Variants in ABCG1 observed in about 807,000 individuals in gnomAD.
ABCG1 encodes the protein ATP-binding cassette sub-family G member 1.
A neutral mutation model predicts 69.2 loss-of-function variants in ABCG1; 29 were observed. The observed-to-expected ratio is 0.42, with a 90% confidence interval of 0.31 to 0.57. ABCG1 has a LOEUF of 0.57. ABCG1 is among the 20% of genes least tolerant of loss of function. The pLI, the probability that ABCG1 is intolerant of heterozygous loss-of-function variation, is 0.15. For synonymous variants in ABCG1, 370 were observed against 374.8 expected (o/e 0.99, Z 0.15); for missense variants, 718 against 898.1 (o/e 0.80, Z 2.56).
At position 42,296,961 on chromosome 21, in the gene ABCG1, G is replaced by T. The variant is rs934437201; in HGVS notation, c.*569G>T. ...CATTTTAAGAAATTATACCTTTTTA[G>T]TACTTGCTGAAGAATGATTCAGGGT... On this transcript the variant is annotated 3_prime_UTR_variant, in exon 15 of 15. Transcript: ENST00000398449. The surrounding 1 kb of genome is among the most constrained non-coding windows in gnomAD (Gnocchi z 5.4). 8.7e-5 allele frequency: 14 copies of T among 160,652 alleles called. No individual in the cohort carries two copies. Among genetic ancestry groups the T allele is most frequent in the Non-Finnish European group, 1.9e-4 (14 of 71,904 alleles). 10.0% of individuals were successfully genotyped at this position (160,652 alleles called of 1,614,324 possible). A position where few individuals can be genotyped will look rare whatever the true frequency, so the allele number is the denominator to read the frequency against.
In ABCG1 at chr21:42,281,432, G is replaced by T. The variant is rs143665721; in HGVS notation, c.589-842G>T. On this transcript the variant is annotated intron_variant, in intron 5 of 14. Transcript: ENST00000398449. ...CAGCACCAAGCCAGCACAGAAATCT[G>T]CTGACCTTCGTGTTCCCTGAGTCGA... 5.6e-3 allele frequency among the ~76,000 whole-genome samples: 856 copies of T among 152,352 alleles called. 5 individuals carry two copies. The highest frequency in any genetic ancestry group is 0.01 in the Middle Eastern group (3 of 294).
At chr21:42,260,060 CA>C in intron 2 of ABCG1, 1 of 1,550,570 alleles carries the variant, frequency 6.4e-7, no homozygotes, top group Non-Finnish European at 8.7e-7. Context: ...TGGTCGCTAT[CA>C]GTGGCAAAGT....
At position 42,273,263 on chromosome 21, in the gene ABCG1, G is replaced by T; in HGVS notation, c.405-40G>T. ...TGCCCCGGGAGGTGGAGGAGGAGCA[G>T]GAGCCCGGCTGACGGCTTCTCCTGT... On this transcript the variant is annotated intron_variant, in intron 3 of 14. Coordinates refer to ENST00000398449, the MANE Select transcript of ABCG1 (RefSeq NM_016818.3). This position sits in a 1 kb window ranked among gnomAD's most constrained non-coding sequence, Gnocchi z 5.3. 5 of 1,588,840 alleles carry T rather than the reference G, an allele frequency of 3.1e-6. No homozygotes were observed. The highest frequency in any genetic ancestry group is 2.7e-5 in the African/African-American group (2 of 74,536).
intron 5 of ABCG1, among the ~76,000 whole-genome samples, chr21:42,281,461 A>G (rs867993382): frequency 2.9e-4 from 44 of 152,334 alleles, no homozygotes; most frequent in Middle Eastern, 3.4e-3. Context: ...GAGTCGATAC[A>G]GGATCAATAA....
At position 42,273,610 on chromosome 21, in the gene ABCG1, G is replaced by A. The variant is rs2068657724; in HGVS notation, c.537+175G>A. Among the ~76,000 whole-genome samples the A allele has an allele frequency of 6.6e-6, 1 of 152,150 alleles. No homozygotes were observed. Among genetic ancestry groups the A allele is most frequent in the Non-Finnish European group, 1.5e-5 (1 of 68,032 alleles). On this transcript the variant is annotated intron_variant, in intron 4 of 14. Coordinates refer to ENST00000398449, the MANE Select transcript of ABCG1 (RefSeq NM_016818.3). This position sits in a 1 kb window ranked among gnomAD's most constrained non-coding sequence, Gnocchi z 5.3. ...AGTTCTAACACCAGACTCGCTGTTG[G>A]GACAGGCAGCATCATCCCAAAACCC...
At position 42,261,588 on chromosome 21, in the gene ABCG1, T is replaced by C. The variant is rs556289057; in HGVS notation, c.287-9482T>C. ...CCCCGAGCGAGAGTCCCTCTGTGTATCGGGGACTGCCCGCTTGTGAGGAGA... is the reference window on the plus strand; with the variant it reads ...CCCCGAGCGAGAGTCCCTCTGTGTACCGGGGACTGCCCGCTTGTGAGGAGA... On this transcript the variant is annotated intron_variant, in intron 2 of 14. Transcript: ENST00000398449. Among the ~76,000 whole-genome samples the C allele has an allele frequency of 1.6e-3, 236 of 152,234 alleles. 1 individual carries two copies. The highest frequency in any genetic ancestry group is 5.6e-3 in the African/African-American group (231 of 41,540).
chr21:42,296,111 C>G lies in ABCG1; in HGVS notation c.1773-53C>G. ...GTGAACGACATTGACCTTCAGCCAA[C>G]GGCGTGGCTGGCTGGGAGAACGTCC... On this transcript the variant is annotated intron_variant, in intron 14 of 14. Coordinates refer to ENST00000398449, the MANE Select transcript of ABCG1 (RefSeq NM_016818.3). The surrounding 1 kb of genome is among the most constrained non-coding windows in gnomAD (Gnocchi z 5.4). The G allele has an allele frequency of 6.7e-7, 1 of 1,499,714 alleles. No homozygotes were observed. The highest frequency in any genetic ancestry group is 9.3e-7 in the Non-Finnish European group (1 of 1,076,640). The allele number at this position is 1,499,714 out of a possible 1,614,324, so 92.9% of individuals were successfully genotyped here. A position where few individuals can be genotyped will look rare whatever the true frequency, so the allele number is the denominator to read the frequency against.
At chr21:42,283,410 G>A (rs375725976) in intron 6 of ABCG1, among the ~76,000 whole-genome samples, 13 of 152,322 alleles carry the variant, frequency 8.5e-5, no homozygotes, top group East Asian at 1.9e-4. Flanking sequence ...CTTCAGAGTT[G>A]AGGGGATGAG....
rs530654888 is a variant in ABCG1, at chr21:42,239,618, C to T, written c.286+13704C>T. Among the ~76,000 whole-genome samples, 13 of 152,254 alleles carry T rather than the reference C, an allele frequency of 8.5e-5. No individual in the cohort carries two copies. The East Asian group carries it at 1.2e-3, about 14-fold the overall frequency. ...CAAGGGGAGGTGTAGGGGCCTGGTC[C>T]GGGGTCACAGGGCTGTAAGTAGCAG... On this transcript the variant is annotated intron_variant, in intron 2 of 14. Transcript: ENST00000398449.
chr21:42,295,585 G>A (rs1005896788), intron 14 of ABCG1, among the ~76,000 whole-genome samples: 5 of 152,154 alleles, frequency 3.3e-5, no homozygotes, highest in Admixed American at 6.5e-5. Flanking sequence ...ATCCAAAGTT[G>A]GGAACAAGCT....
chr21:42,232,546 G>A (rs1172544325), intron 2 of ABCG1, among the ~76,000 whole-genome samples: 2 of 152,202 alleles, frequency 1.3e-5, no homozygotes, highest in African/African-American at 4.8e-5. Context: ...TCCTGTTCTT[G>A]AACCATCTGG....
chr21:42,238,135 A>T (rs1355875750), intron 2 of ABCG1, among the ~76,000 whole-genome samples: 1 of 152,188 alleles, frequency 6.6e-6, no homozygotes, highest in African/African-American at 2.4e-5. Flanking sequence ...CCTCTTTCTA[A>T]TAATAATAGT....
At chr21:42,242,939 G>C (rs551783851) in intron 2 of ABCG1, among the ~76,000 whole-genome samples, 21 of 152,242 alleles carry the variant, frequency 1.4e-4, no homozygotes, top group African/African-American at 4.6e-4. Context: ...GATAAGTATG[G>C]GGCGATGCTG....
At chr21:42,230,977 G>A (rs547843509) in intron 2 of ABCG1, among the ~76,000 whole-genome samples, 3 of 152,330 alleles carry the variant, frequency 2.0e-5, no homozygotes, top group South Asian at 4.1e-4. Flanking sequence ...GCTCTGACGT[G>A]GGCACAGGAC....
At chr21:42,261,034 G>C (rs1481796440) in intron 2 of ABCG1, among the ~76,000 whole-genome samples, 1 of 152,186 alleles carries the variant, frequency 6.6e-6, no homozygotes, top group Non-Finnish European at 1.5e-5. Context: ...TGTTAGCCAG[G>C]ATGGTCTCGA....
chr21:42,201,627 G>T (rs1410914434), exon 2 of ABCG1: 1 of 1,582,126 alleles, frequency 6.3e-7, no homozygotes, highest in Admixed American at 1.9e-5. Context: ...TCAGCCCCGT[G>T]CTCAGCAGAC....
At position 42,296,438 on chromosome 21, in the gene ABCG1, G is replaced by C. The variant is rs146545208; in HGVS notation, c.*46G>C. 8.2e-5 allele frequency: 127 copies of C among 1,552,810 alleles called. 1 individual carries two copies. In the Admixed American group the frequency reaches 2.1e-3, roughly 26 times the overall value. ...CAGGAAGATTAGACACTGTGGCCGAGGGCACGTCTAGAATCGAGGAGGCAA... is the reference window on the plus strand; with the variant it reads ...CAGGAAGATTAGACACTGTGGCCGACGGCACGTCTAGAATCGAGGAGGCAA... On this transcript the variant is annotated 3_prime_UTR_variant, in exon 15 of 15. Transcript: ENST00000398449. The surrounding 1 kb of genome is among the most constrained non-coding windows in gnomAD (Gnocchi z 5.4).
chr21:42,229,295 AGT>A (rs2067866578), intron 2 of ABCG1, among the ~76,000 whole-genome samples: 1 of 152,232 alleles, frequency 6.6e-6, no homozygotes, highest in African/African-American at 2.4e-5. Flanking sequence ...GTCTGTATCA[AGT>A]CCATTGTTTT....
intron 13 of ABCG1, among the ~76,000 whole-genome samples, chr21:42,293,080 A>ACACTACACAC (rs1192316963): frequency 3.8e-5 from 1 of 25,978 alleles, no homozygotes; most frequent in Admixed American, 3.7e-4. Context: ...CACACACACC[A>ACACTACACAC]CACACACTAC....
Sources: allele counts gnomAD v4.1 joint callset (sites outside exome capture counted in the v4.1 genomes callset), GRCh38; gene constraint gnomAD v4.1.1; non-coding constraint Gnocchi (gnomAD v3.1); transcripts MANE v1.5; gene names NCBI Gene and HGNC (gene_info 2026-07-23, HGNC 2026-07-21).